ZMAT4: variants seen among roughly 807,000 people sequenced by gnomAD.
ZMAT4 encodes zinc finger matrin-type 4, also known as zinc finger matrin-type protein 4.
ZMAT4 carries 17 observed loss-of-function variants against 28.7 expected under a neutral mutation model. The observed-to-expected ratio is 0.59, with a 90% CI of 0.41 to 0.89. The LOEUF (loss-of-function observed/expected upper bound fraction) is 0.89, where lower values mean the gene tolerates loss of function less well. ZMAT4 is among the 40% of genes least tolerant of loss of function. The pLI is 0.00. For missense variants in ZMAT4, 240 were observed against 283.8 expected (o/e 0.85, Z 1.11); for synonymous variants, 117 against 109.2 (o/e 1.07, Z -0.44).
chr8:40,669,155 C>A (rs1256843967), intron 5 of ZMAT4, among the ~76,000 whole-genome samples: 1 of 152,080 alleles, frequency 6.6e-6, no homozygotes, highest in African/African-American at 2.4e-5. Flanking sequence ...CAGAAGACAA[C>A]TTGATGGAAG....
intron 1 of ZMAT4, among the ~76,000 whole-genome samples, chr8:40,882,968 C>A (rs971799705): frequency 3.9e-5 from 6 of 152,158 alleles, no homozygotes; most frequent in African/African-American, 1.4e-4. Flanking sequence ...ATCACTCTGG[C>A]ACTCAACCTT....
chr8:40,838,668 C>G (rs1197500747), intron 1 of ZMAT4, among the ~76,000 whole-genome samples: 1 of 152,200 alleles, frequency 6.6e-6, no homozygotes, highest in African/African-American at 2.4e-5. Context: ...GCCAGACTGA[C>G]TCTCAGTCAA....
chr8:40,682,126 T>C (rs1221956802), intron 4 of ZMAT4, among the ~76,000 whole-genome samples: 1 of 152,192 alleles, frequency 6.6e-6, no homozygotes, highest in African/African-American at 2.4e-5. Context: ...ATATGGGTGA[T>C]CTGCTTTGTA....
intron 5 of ZMAT4, among the ~76,000 whole-genome samples, chr8:40,674,061 T>G (rs1459783289): frequency 6.6e-6 from 1 of 150,380 alleles, no homozygotes; most frequent in Non-Finnish European, 1.5e-5. Context: ...AAGATAATAC[T>G]ATTTGGCCTT....
chr8:40,868,172 T>C (rs1487591391), intron 1 of ZMAT4, among the ~76,000 whole-genome samples: 1 of 152,228 alleles, frequency 6.6e-6, no homozygotes, highest in Non-Finnish European at 1.5e-5. Context: ...TTTGCAAGTG[T>C]ATTTACATGG....
rs116590308 is a variant in ZMAT4, at chr8:40,636,731, C to A, written c.577+37973G>T. Among the ~76,000 whole-genome samples, 144 of 152,224 alleles carry A rather than the reference C, an allele frequency of 9.5e-4. 1 individual carries two copies. Among genetic ancestry groups the A allele is most frequent in the African/African-American group, 3.0e-3 (125 of 41,538 alleles). ...GGATCCTCTGCAGGGAAGAGTTTGT[C>A]TTAGACGATCAAGTAGCAGCCTAAT... On this transcript the variant is annotated intron_variant, in intron 5 of 6. Transcript: ENST00000297737.
intron 5 of ZMAT4, among the ~76,000 whole-genome samples, chr8:40,586,468 G>T (rs538826729): frequency 3.5e-4 from 53 of 152,170 alleles, no homozygotes; most frequent in Non-Finnish European, 6.5e-4. Flanking sequence ...ATTCAAGGTA[G>T]ACCATTAAAA....
rs1813058793 is a variant in ZMAT4, at chr8:40,764,365, T to A, written c.192+3276A>T. Among the ~76,000 whole-genome samples, 3 of 152,332 alleles carry A rather than the reference T, an allele frequency of 2.0e-5. No homozygotes were observed. In the South Asian group the frequency reaches 6.2e-4, roughly 32 times the overall value. ...TCAAAACAGAAGATAGAAATGAATT[T>A]GGGTGTTTAAAACAACAACAGCAAA... On this transcript the variant is annotated intron_variant, in intron 3 of 6. Transcript: ENST00000297737.
chr8:40,648,300 G>T (rs1413110089), intron 5 of ZMAT4, among the ~76,000 whole-genome samples: 1 of 151,530 alleles, frequency 6.6e-6, no homozygotes. Context: ...GAGCCGATGC[G>T]ATCAACTGGA....
chr8:40,873,113 G>A (rs191518891), intron 1 of ZMAT4, among the ~76,000 whole-genome samples: 139 of 152,272 alleles, frequency 9.1e-4, no homozygotes, highest in African/African-American at 3.0e-3. Flanking sequence ...AACAAAGGGG[G>A]CAACTGCAGC....
At chr8:40,577,075 TCTC>T (rs776003066) in intron 6 of ZMAT4, among the ~76,000 whole-genome samples, 10 of 152,032 alleles carry the variant, frequency 6.6e-5, no homozygotes, top group Non-Finnish European at 1.5e-4. Flanking sequence ...ATGCCTGTAA[TCTC>T]AGCTACCTGG....
At chr8:40,776,488 C>G (rs1371546028) in intron 2 of ZMAT4, among the ~76,000 whole-genome samples, 1 of 152,144 alleles carries the variant, frequency 6.6e-6, no homozygotes, top group Non-Finnish European at 1.5e-5. Flanking sequence ...CCACCAAAGC[C>G]TGGAGGAACA....
intron 6 of ZMAT4, among the ~76,000 whole-genome samples, chr8:40,547,612 A>C (rs1009067368): frequency 1.3e-5 from 2 of 152,056 alleles, no homozygotes; most frequent in Non-Finnish European, 2.9e-5. Context: ...AGAGCTGGGC[A>C]CTCTTTTATT....
At chr8:40,772,804 A>T (rs1348682084) in intron 2 of ZMAT4, among the ~76,000 whole-genome samples, 1 of 152,278 alleles carries the variant, frequency 6.6e-6, no homozygotes, top group Non-Finnish European at 1.5e-5. Flanking sequence ...GAAAACCTGG[A>T]ACAAAGAGTG....
intron 5 of ZMAT4, among the ~76,000 whole-genome samples, chr8:40,627,032 G>A (rs1016552962): frequency 2.6e-5 from 4 of 152,146 alleles, no homozygotes; most frequent in Non-Finnish European, 5.9e-5. Context: ...AATTCTGTTT[G>A]TAAAATTGCA....
chr8:40,647,578 C>T (rs1205735948), intron 5 of ZMAT4, among the ~76,000 whole-genome samples: 3 of 152,176 alleles, frequency 2.0e-5, no homozygotes, highest in African/African-American at 7.2e-5. Context: ...CCCACCACAG[C>T]TCAAGGAGGC....
At chr8:40,554,347 G>GAGTTAATTAACTAAGTTAATT (rs560167837) in intron 6 of ZMAT4, among the ~76,000 whole-genome samples, 2 of 151,856 alleles carry the variant, frequency 1.3e-5, no homozygotes, top group African/African-American at 2.4e-5. Flanking sequence ...ATTAACTAAA[G>GAGTTAATTAACTAAGTTAATT]AGTTAATTAA....
intron 6 of ZMAT4, among the ~76,000 whole-genome samples, chr8:40,559,795 AC>A (rs1803672839): frequency 6.6e-6 from 1 of 152,134 alleles, no homozygotes; most frequent in Non-Finnish European, 1.5e-5. Flanking sequence ...AATTACAGAA[AC>A]ACACAGATAT....
intron 6 of ZMAT4, among the ~76,000 whole-genome samples, chr8:40,565,916 C>G (rs912138170): frequency 2.0e-5 from 3 of 152,008 alleles, no homozygotes; most frequent in Admixed American, 1.3e-4. Flanking sequence ...ACTGTGAAGG[C>G]CCCCAGCACT....
Sources: gnomAD v4.1 joint callset for allele counts (sites outside exome capture counted in the v4.1 genomes callset) on GRCh38, gnomAD v4.1.1 for gene constraint, MANE v1.5 for transcripts, NCBI Gene and HGNC (gene_info 2026-07-23, HGNC 2026-07-21) for gene names.